Variants in MIEF1 observed in about 807,000 individuals in gnomAD.
MIEF1 encodes the protein mitochondrial elongation factor 1, also known as mitochondrial dynamics protein MIEF1.
In MIEF1, 14 loss-of-function variants were observed where a neutral mutation model predicts 35.1. The ratio of observed to expected loss-of-function variants is 0.40; its 90% CI spans 0.26 to 0.62. The LOEUF (loss-of-function observed/expected upper bound fraction) is 0.62. Ranked by LOEUF, MIEF1 falls within the 20% of genes least tolerant of loss-of-function variation. MIEF1 has a pLI of 0.43. For missense variants in MIEF1, 542 were observed against 615.4 expected (o/e 0.88, Z 1.26); for synonymous variants, 245 against 254.3 (o/e 0.96, Z 0.35).
chr22:39,517,552 G>A lies in MIEF1; in HGVS notation c.*3229G>A, dbSNP rs10854722. ...TGGAAGGACCCAGGAGAGGCCCCGA[G>A]GTGGGAGGGTTCTGTAAATACAGAC... On this transcript the variant is annotated 3_prime_UTR_variant, in exon 6 of 6. Transcript: ENST00000325301. 145,938 of 470,734 alleles carry A rather than the reference G, an allele frequency of 0.31. 23,352 individuals carry two copies. Among genetic ancestry groups the A allele is most frequent in the Middle Eastern group, 0.36 (1,111 of 3,064 alleles). The allele number at this position is 470,734 out of a possible 1,614,324, so 29.2% of individuals were successfully genotyped here.
At position 39,516,299 on chromosome 22, in the gene MIEF1, G is replaced by T. The variant is rs1228386536; in HGVS notation, c.*1976G>T. 1 of 152,162 alleles carries T rather than the reference G, an allele frequency of 6.6e-6. No individual in the cohort carries two copies. The highest frequency in any genetic ancestry group is 1.5e-5 in the Non-Finnish European group (1 of 68,038). The allele number at this position is 152,162 out of a possible 1,614,324, so 9.4% of individuals were successfully genotyped here. ...AGGGAGAGGAGAGGATTGATAGAGT[G>T]TTGCAAAAGTATAGATTATTCATTG... is the stretch of plus-strand genomic sequence containing the variant. On this transcript the variant is annotated 3_prime_UTR_variant, in exon 6 of 6. Transcript: ENST00000325301.
intron 2 of MIEF1, chr22:39,509,639 A>G (rs1033781883): frequency 1.3e-5 from 2 of 152,182 alleles, no homozygotes; most frequent in African/African-American, 4.8e-5. Context: ...TCCAGTTAGC[A>G]GTCGAGTCTG....
At chr22:39,504,097 CG>C (rs981950523) in intron 1 of MIEF1, 105 bp from the exon 2 acceptor site, 3 of 396,316 alleles carry the variant, frequency 7.6e-6, no homozygotes, top group Non-Finnish European at 8.9e-6. Context: ...TGACCTGGAG[CG>C]GGGGGTCTCT....
chr22:39,504,892 T>C (rs776062143), intron 2 of MIEF1, among the ~76,000 whole-genome samples: 27 of 152,150 alleles, frequency 1.8e-4, no homozygotes, highest in Non-Finnish European at 3.2e-4. Flanking sequence ...ACTGCAATTT[T>C]CTTTTTTAAG....
At chr22:39,508,359 G>A (rs1485109166) in intron 2 of MIEF1, among the ~76,000 whole-genome samples, 1 of 152,216 alleles carries the variant, frequency 6.6e-6, no homozygotes. Context: ...GACTAAAATG[G>A]TCCAGGGAGG....
intron 2 of MIEF1, among the ~76,000 whole-genome samples, chr22:39,507,271 G>C (rs1251719426): frequency 6.6e-6 from 1 of 152,012 alleles, no homozygotes; most frequent in Non-Finnish European, 1.5e-5. Flanking sequence ...TTGAGATGGA[G>C]TCTTGCTCTG....
At chr22:39,503,233 C>G (rs1429971095) in intron 1 of MIEF1, 2 of 152,150 alleles carry the variant, frequency 1.3e-5, no homozygotes, top group Admixed American at 6.5e-5. Flanking sequence ...GCTGTGGGCC[C>G]GCGGGCAAGT....
chr22:39,510,983 T>C (rs972943203), intron 2 of MIEF1, among the ~76,000 whole-genome samples: 2 of 152,206 alleles, frequency 1.3e-5, no homozygotes, highest in Non-Finnish European at 2.9e-5. Context: ...AGGGCTGTTT[T>C]GCATGGTGGG....
chr22:39,515,464 G>C lies in MIEF1; in HGVS notation c.*1141G>C, dbSNP rs982546374. 1.5e-6 allele frequency: 1 copy of C among 654,478 alleles called. No individual in the cohort carries two copies. Among genetic ancestry groups the C allele is most frequent in the African/African-American group, 1.8e-5 (1 of 55,418 alleles). 40.5% of individuals were successfully genotyped at this position (654,478 alleles called of 1,614,324 possible). A position where few individuals can be genotyped will look rare whatever the true frequency, so the allele number is the denominator to read the frequency against. ...AATGTGAGAGGGGTGTTTGCTGAGC[G>C]CTCCGGGCACGGCCAGAGGGCAAGT... On this transcript the variant is annotated 3_prime_UTR_variant, in exon 6 of 6. Transcript: ENST00000325301.
At position 39,515,230 on chromosome 22, in the gene MIEF1, G is replaced by C. The variant is rs1409699949; in HGVS notation, c.*907G>C. On this transcript the variant is annotated 3_prime_UTR_variant, in exon 6 of 6. Transcript: ENST00000325301. ...TTTTCCTTATTTTATTGCCAATCAGGACAAGGCCTTGAAGGAACGCAGCCT... is the reference window on the plus strand; with the variant it reads ...TTTTCCTTATTTTATTGCCAATCAGCACAAGGCCTTGAAGGAACGCAGCCT... 1 of 714,870 alleles carries C rather than the reference G, an allele frequency of 1.4e-6. No individual in the cohort carries two copies. The highest frequency in any genetic ancestry group is 2.6e-6 in the Non-Finnish European group (1 of 384,128). The allele number at this position is 714,870 out of a possible 1,614,324, so 44.3% of individuals were successfully genotyped here.
At position 39,513,833 on chromosome 22, in the gene MIEF1, A is replaced by G. The variant is rs770803955; in HGVS notation, c.902A>G (p.Gln301Arg). Residue 301 changes from glutamine (Q) to arginine (R), a missense_variant, in exon 6 of 6, where the codon CAG (glutamine) becomes CGG (arginine). Transcript: ENST00000325301. ...PPPEALTLEV[Q>R]YERDKHLFID... ...CCAGAAGCCCTCACACTGGAGGTGC[A>G]GTATGAGCGTGACAAACATCTCTTC... is the stretch of plus-strand genomic sequence containing the variant. The G allele has an allele frequency of 6.8e-6, 11 of 1,614,004 alleles. No homozygotes were observed. The Admixed American group carries it at 1.8e-4, about 27-fold the overall frequency.
At chr22:39,510,049 T>C (rs1930254679) in intron 2 of MIEF1, among the ~76,000 whole-genome samples, 1 of 150,788 alleles carries the variant, frequency 6.6e-6, no homozygotes, top group East Asian at 2.0e-4. Context: ...ACCTCCGCCT[T>C]CCGGGTTCAA....
At chr22:39,504,141 C>T (rs933927849) in intron 1 of MIEF1, 62 bp from the exon 2 acceptor site, 2 of 398,162 alleles carry the variant, frequency 5.0e-6, no homozygotes, top group Non-Finnish European at 8.8e-6. Flanking sequence ...CACATAGTCT[C>T]TACAGGTCCT....
chr22:39,509,352 T>C (rs1930217956), intron 2 of MIEF1: 1 of 152,274 alleles, frequency 6.6e-6, no homozygotes, highest in Non-Finnish European at 1.5e-5. Flanking sequence ...CGGGATATTA[T>C]AGAGGAGAGT....
At chr22:39,500,767 T>A (rs1046827983), upstream of MIEF1, among the ~76,000 whole-genome samples, 16 of 152,102 alleles carry the variant, frequency 1.1e-4, no homozygotes, top group Non-Finnish European at 2.4e-4. Flanking sequence ...TGATCTTGGC[T>A]CACTGCAACC....
chr22:39,514,059 T>A lies in MIEF1; in HGVS notation c.1128T>A (p.Ala376=), dbSNP rs151300697. The A allele has an allele frequency of 6.4e-5, 103 of 1,614,064 alleles. No individual in the cohort carries two copies. In the African/African-American group the frequency reaches 1.3e-3, roughly 20 times the overall value. ...ILKAICKSTP[A]LGHLTASQLT... ...AGGCCATATGCAAGTCCACCCCGGC[T>A]CTGGGCCACCTCACTGCCAGCCAGC... is the stretch of plus-strand genomic sequence containing the variant. Residue 376 remains alanine, a synonymous_variant, in exon 6 of 6, where the codon GCT becomes GCA. Coordinates refer to ENST00000325301, the MANE Select transcript of MIEF1 (RefSeq NM_019008.6).
rs8137469 is a variant in MIEF1, at chr22:39,515,349, A to C, written c.*1026A>C. The C allele has an allele frequency of 0.025, 18,129 of 717,550 alleles. 1,937 individuals are homozygous for C. The African/African-American group carries it at 0.25, about 10-fold the overall frequency. The allele number at this position is 717,550 out of a possible 1,614,324, so 44.4% of individuals were successfully genotyped here. ...TTGGGGTTTGGTGGCCATGTTTTCT[A>C]CCCAGACAGGCCCTGCTTTTCTAGG... is the stretch of plus-strand genomic sequence containing the variant. On this transcript the variant is annotated 3_prime_UTR_variant, in exon 6 of 6. Transcript: ENST00000325301.
Position 39,514,552 on chromosome 22 carries a change from T to A in MIEF1, c.*229T>A, listed in dbSNP as rs1001489652. 5.3e-6 allele frequency: 3 copies of A among 564,688 alleles called. No individual in the cohort carries two copies. The highest frequency in any genetic ancestry group is 6.3e-5 in the Admixed American group (2 of 31,932). 35.0% of individuals were successfully genotyped at this position (564,688 alleles called of 1,614,324 possible). ...ACTGTGCTCTCTGCCGCCCCCTGGC[T>A]CCAGGCTAATTTTTCTGGAATGAAT... On this transcript the variant is annotated 3_prime_UTR_variant, in exon 6 of 6. Transcript: ENST00000325301.
At chr22:39,504,721 C>A in intron 2 of MIEF1, 187 bp downstream of exon 2, 1 of 253,024 alleles carries the variant, frequency 4.0e-6, no homozygotes, top group East Asian at 7.2e-5. Flanking sequence ...GTTGAGGCTG[C>A]AGTGAGGTAT....
Sources: allele counts gnomAD v4.1 joint callset (sites outside exome capture counted in the v4.1 genomes callset), GRCh38; gene constraint gnomAD v4.1.1; transcripts MANE v1.5; gene names NCBI Gene and HGNC (gene_info 2026-07-23, HGNC 2026-07-21).